Variants in RNF150 observed in about 807,000 individuals in gnomAD.
RNF150 encodes the protein ring finger protein 150.
In RNF150, 24 loss-of-function variants were observed where a neutral mutation model predicts 39.3. The observed-to-expected ratio is 0.61, with a 90% CI of 0.44 to 0.86. The LOEUF is 0.86. RNF150 is among the 40% of genes least tolerant of loss of function. RNF150 has a pLI of 0.00. For missense variants in RNF150, 502 were observed against 587.8 expected (o/e 0.85, Z 1.51); for synonymous variants, 255 against 227.3 (o/e 1.12, Z -1.10).
chr4:140,964,605 T>C (rs1733161338), intron 2 of RNF150, among the ~76,000 whole-genome samples: 1 of 152,094 alleles, frequency 6.6e-6, no homozygotes. Context: ...TGAAAAGTGC[T>C]ACTGGGAATA....
intron 4 of RNF150, among the ~76,000 whole-genome samples, chr4:140,940,856 G>T (rs1732055298): frequency 6.6e-6 from 1 of 152,186 alleles, no homozygotes; most frequent in Non-Finnish European, 1.5e-5. Context: ...CTATGGGATA[G>T]CCCTGCTCTG....
intron 1 of RNF150, among the ~76,000 whole-genome samples, chr4:141,205,761 T>A (rs1400702701): frequency 1.3e-5 from 2 of 152,144 alleles, no homozygotes; most frequent in Admixed American, 1.3e-4. Context: ...AATCCCAAAT[T>A]TTCTCTCTAT....
intron 4 of RNF150, among the ~76,000 whole-genome samples, chr4:140,946,510 C>T (rs570946264): frequency 4.5e-4 from 69 of 151,962 alleles, no homozygotes; most frequent in African/African-American, 1.4e-3. Flanking sequence ...GTCTCGCTGT[C>T]GCCCAGTGCG....
chr4:140,943,122 G>A (rs560604488), intron 4 of RNF150, among the ~76,000 whole-genome samples: 3 of 152,306 alleles, frequency 2.0e-5, no homozygotes, highest in East Asian at 1.9e-4. Context: ...TGAAGAGTGA[G>A]TTTTATATAA....
intron 1 of RNF150, among the ~76,000 whole-genome samples, chr4:141,096,588 A>G (rs3952757): frequency 0.019 from 2,931 of 152,324 alleles, 99 homozygotes; most frequent in African/African-American, 0.067. Context: ...AAGGATGAAC[A>G]TGTTTATACA....
chr4:141,116,738 C>T (rs1477589321), intron 1 of RNF150, among the ~76,000 whole-genome samples: 1 of 152,194 alleles, frequency 6.6e-6, no homozygotes, highest in Admixed American at 6.5e-5. Flanking sequence ...TTGGAACCAA[C>T]CCACATGTCT....
intron 1 of RNF150, among the ~76,000 whole-genome samples, chr4:141,016,142 C>G: frequency 6.6e-6 from 1 of 152,144 alleles, no homozygotes; most frequent in South Asian, 2.1e-4. Context: ...CTTTTTACTG[C>G]GTCCGTCCCT....
intron 1 of RNF150, among the ~76,000 whole-genome samples, chr4:141,078,789 C>CAAAAA (rs150748282): frequency 1.6e-5 from 1 of 63,862 alleles, no homozygotes; most frequent in Non-Finnish European, 2.3e-5. Context: ...AACTCCGTCT[C>CAAAAA]AAAAAAAAAA....
intron 1 of RNF150, among the ~76,000 whole-genome samples, chr4:141,207,417 T>C (rs1048278311): frequency 6.6e-6 from 1 of 152,096 alleles, no homozygotes; most frequent in African/African-American, 2.4e-5. Context: ...CATGAGTCTG[T>C]TCCTGGAGGG....
chr4:140,921,330 C>G (rs1731133199), intron 5 of RNF150, among the ~76,000 whole-genome samples: 3 of 151,892 alleles, frequency 2.0e-5, no homozygotes, highest in Admixed American at 6.6e-5. Flanking sequence ...TCAGAGAATA[C>G]TATAAACACC....
chr4:141,024,157 C>T (rs1482802348), intron 1 of RNF150, among the ~76,000 whole-genome samples: 1 of 152,070 alleles, frequency 6.6e-6, no homozygotes, highest in African/African-American at 2.4e-5. Flanking sequence ...TACAGCTTGT[C>T]AGATACTCAA....
intron 1 of RNF150, among the ~76,000 whole-genome samples, chr4:141,190,407 T>C (rs1728090836): frequency 6.6e-6 from 1 of 152,160 alleles, no homozygotes; most frequent in South Asian, 2.1e-4. Flanking sequence ...GCTGCCATGT[T>C]TTGAGATAGT....
chr4:141,036,113 G>A (rs1049779947), intron 1 of RNF150, among the ~76,000 whole-genome samples: 2 of 152,130 alleles, frequency 1.3e-5, no homozygotes, highest in Non-Finnish European at 2.9e-5. Flanking sequence ...ACAGACATGT[G>A]GAGACTGCTA....
At chr4:141,018,647 C>T (rs1735368939) in intron 1 of RNF150, among the ~76,000 whole-genome samples, 1 of 152,082 alleles carries the variant, frequency 6.6e-6, no homozygotes, top group Non-Finnish European at 1.5e-5. Flanking sequence ...TGACTGATTT[C>T]AGCACAGAGT....
At chr4:141,049,848 G>A (rs898746005) in intron 1 of RNF150, among the ~76,000 whole-genome samples, 9 of 152,100 alleles carry the variant, frequency 5.9e-5, no homozygotes, top group African/African-American at 2.2e-4. Context: ...AGAGCATACT[G>A]ATGTAACTGA....
intron 1 of RNF150, among the ~76,000 whole-genome samples, chr4:141,131,852 T>A (rs989757573): frequency 4.6e-5 from 7 of 152,070 alleles, no homozygotes; most frequent in African/African-American, 1.7e-4. Flanking sequence ...CTCTCCCAAG[T>A]GCAAGTTCGC....
chr4:141,006,330 TTTTTC>T (rs1734873601), intron 1 of RNF150, among the ~76,000 whole-genome samples: 1 of 151,926 alleles, frequency 6.6e-6, no homozygotes, highest in African/African-American at 2.4e-5. Flanking sequence ...TTCTTGGGCA[TTTTTC>T]TTTTGTCTTT....
rs530554616 is a variant in RNF150 at position 141,119,811 on chromosome 4, T to A, written c.484+12514A>T. ...GGTAAGGGCCTAACAGGAGGTACCTTATAAGGGGTTAAAGTCAGGTTAGCG... is the reference window on the plus strand; with the variant it reads ...GGTAAGGGCCTAACAGGAGGTACCTAATAAGGGGTTAAAGTCAGGTTAGCG... On this transcript the variant is annotated intron_variant, in intron 1 of 6. Coordinates refer to ENST00000515673, the MANE Select transcript of RNF150 (RefSeq NM_020724.2). 6.6e-5 allele frequency among the ~76,000 whole-genome samples: 10 copies of A among 152,276 alleles called. No individual in the cohort carries two copies. In the South Asian group the frequency reaches 1.0e-3, roughly 16 times the overall value.
chr4:140,916,933 A>G (rs1268231897), intron 5 of RNF150, among the ~76,000 whole-genome samples: 1 of 152,226 alleles, frequency 6.6e-6, no homozygotes, highest in Non-Finnish European at 1.5e-5. Context: ...TTTCATATCC[A>G]GCCAAACTAA....
Sources: gnomAD v4.1 joint callset for allele counts (sites outside exome capture counted in the v4.1 genomes callset) on GRCh38, gnomAD v4.1.1 for gene constraint, MANE v1.5 for transcripts, NCBI Gene and HGNC (gene_info 2026-07-23, HGNC 2026-07-21) for gene names.